The following LDB3 variants were observed in gnomAD, a reference collection of about 807,000 sequenced individuals.
The protein encoded by LDB3 is LIM domain binding 3, also known as LIM domain-binding protein 3.
A neutral mutation model predicts 69.0 loss-of-function variants in LDB3; 49 were observed. The observed-to-expected ratio is 0.71, with a 90% CI of 0.56 to 0.90. The LOEUF (loss-of-function observed/expected upper bound fraction) is 0.90, where lower values mean the gene tolerates loss of function less well. LDB3 is among the 40% of genes least tolerant of loss of function. LDB3 has a pLI of 0.00. For synonymous variants in LDB3, 387 were observed against 396.2 expected, an observed-to-expected ratio of 0.98 and a Z score of 0.28; for missense variants, 928 against 974.1, an observed-to-expected ratio of 0.95 and a Z score of 0.63.
intron 12 of LDB3, 126 bp downstream of exon 12, chr10:86,718,973 A>G (rs1846978973): frequency 7.9e-7 from 1 of 1,269,056 alleles, no homozygotes; most frequent in Admixed American, 2.6e-5. Context: ...TCTGGAAGAA[A>G]CCTTTGTTTT....
intron 10 of LDB3, among the ~76,000 whole-genome samples, chr10:86,717,059 G>T (rs1485292553): frequency 6.6e-6 from 1 of 152,232 alleles, no homozygotes; most frequent in Non-Finnish European, 1.5e-5. Flanking sequence ...TAAGGTTGAG[G>T]TCTGGGAATC....
intron 9 of LDB3, among the ~76,000 whole-genome samples, chr10:86,714,836 C>T (rs565792511): frequency 7.2e-5 from 11 of 152,334 alleles, no homozygotes; most frequent in South Asian, 2.1e-4. Context: ...GGATTACAGG[C>T]GTGAGCCACC....
intron 12 of LDB3, 148 bp from the exon 13 acceptor site, chr10:86,725,989 C>G (rs1281869423): frequency 1.5e-6 from 1 of 675,736 alleles, no homozygotes; most frequent in African/African-American, 1.8e-5. Flanking sequence ...AACTATCAGT[C>G]ATGTAACTGA....
At chr10:86,718,572 C>A (rs942908343) in intron 11 of LDB3, among the ~76,000 whole-genome samples, 155 bp from the exon 12 acceptor site, 7 of 152,196 alleles carry the variant, frequency 4.6e-5, no homozygotes, top group East Asian at 1.9e-4. Flanking sequence ...TTCTCTGACA[C>A]CCCTGGGTCT....
intron 11 of LDB3, among the ~76,000 whole-genome samples, 198 bp from the exon 12 acceptor site, chr10:86,718,529 G>C (rs1051231120): frequency 6.6e-6 from 1 of 152,188 alleles, no homozygotes; most frequent in African/African-American, 2.4e-5. Flanking sequence ...AGAAAGCACA[G>C]AACCTGGCAC....
rs76602876 is a variant in LDB3, at chr10:86,728,008, G to A, written c.2094+1756G>A. ...AGCTCTTTGAACAGATTCTCTAGTT[G>A]TCTTTTAGGGTGTTTTAAATACATC... On this transcript the variant is annotated intron_variant, in intron 13 of 13. Coordinates refer to ENST00000361373, the MANE Select transcript of LDB3 (RefSeq NM_007078.3). Among the ~76,000 whole-genome samples, 659 of 152,182 alleles carry A rather than the reference G, an allele frequency of 4.3e-3. 5 individuals are homozygous for A. Among genetic ancestry groups the A allele is most frequent in the African/African-American group, 0.015 (633 of 41,490 alleles).
chr10:86,725,812 T>G (rs1219936132), intron 12 of LDB3, among the ~76,000 whole-genome samples: 1 of 152,204 alleles, frequency 6.6e-6, no homozygotes, highest in Non-Finnish European at 1.5e-5. Flanking sequence ...TTGTTTTCTC[T>G]TTGGGGCTTG....
chr10:86,685,772 T>C (rs1476993385), intron 5 of LDB3: 1 of 1,548,274 alleles, frequency 6.5e-7, no homozygotes, highest in Admixed American at 1.7e-5. Context: ...GTGTCTGGCG[T>C]GGATAGAGTG....
intron 2 of LDB3, among the ~76,000 whole-genome samples, chr10:86,674,431 T>C (rs1844658678): frequency 6.6e-6 from 1 of 152,048 alleles, no homozygotes; most frequent in African/African-American, 2.4e-5. Flanking sequence ...TGGGCTGCCC[T>C]TGGAAGTGCC....
intron 9 of LDB3, among the ~76,000 whole-genome samples, chr10:86,710,542 C>T (rs1394437736): frequency 2.0e-5 from 3 of 152,236 alleles, no homozygotes; most frequent in Non-Finnish European, 4.4e-5. Flanking sequence ...GAGACTGCAC[C>T]ATTGCACTCC....
At position 86,734,437 on chromosome 10, in the gene LDB3, A is replaced by G. The variant is rs1243660709; in HGVS notation, c.*1461A>G. The G allele has an allele frequency of 6.6e-6, 1 of 152,232 alleles. No homozygotes were observed. The highest frequency in any genetic ancestry group is 1.5e-5 in the Non-Finnish European group (1 of 68,036). The allele number at this position is 152,232 out of a possible 1,614,324, so 9.4% of individuals were successfully genotyped here. On this transcript the variant is annotated 3_prime_UTR_variant, in exon 14 of 14. Coordinates refer to ENST00000361373, the MANE Select transcript of LDB3 (RefSeq NM_007078.3). ...ATGCTCATTGAAAACATGGCATTGA[A>G]GCAGGCACTTGCGTGGATGTTTCTC...
chr10:86,681,395 C>G, intron 4 of LDB3, 41 bp from the exon 5 acceptor site: 1 of 1,597,946 alleles, frequency 6.3e-7, no homozygotes, highest in Non-Finnish European at 8.5e-7. Context: ...GGCCTCTAAC[C>G]GCTCTCTTCT....
rs1275820786 is a variant in LDB3, at chr10:86,735,102, AT to A, written c.*2127del. The A allele has an allele frequency of 7.2e-6, 1 of 139,640 alleles. No individual in the cohort carries two copies. Among genetic ancestry groups the A allele is most frequent in the Non-Finnish European group, 1.6e-5 (1 of 63,952 alleles). The allele number at this position is 139,640 out of a possible 1,614,324, so 8.7% of individuals were successfully genotyped here. On this transcript the variant is annotated 3_prime_UTR_variant, in exon 14 of 14. Transcript: ENST00000361373. The stretch of plus-strand genomic sequence containing the variant: ...ACACACACACACACACACACACACG[AT>A]CATTAAAAAGTGTATGCTCTTTAAG...
intron 13 of LDB3, among the ~76,000 whole-genome samples, chr10:86,729,142 C>T (rs1847371497): frequency 6.6e-6 from 1 of 152,154 alleles, no homozygotes; most frequent in Non-Finnish European, 1.5e-5. Flanking sequence ...ATATTCCTGG[C>T]ATTTGGGCAG....
intron 9 of LDB3, among the ~76,000 whole-genome samples, chr10:86,711,120 G>T (rs2132468808): frequency 6.6e-6 from 1 of 152,354 alleles, no homozygotes; most frequent in East Asian, 1.9e-4. Context: ...ACACAGGGAG[G>T]GGAGGCTGGA....
rs1846162084 is a variant in LDB3 at position 86,699,457 on chromosome 10, C to T, written c.896+6886C>T. On this transcript the variant is annotated intron_variant, in intron 7 of 13. Coordinates refer to ENST00000361373, the MANE Select transcript of LDB3 (RefSeq NM_007078.3). The surrounding 1 kb of genome is among the most constrained non-coding windows in gnomAD (Gnocchi z 4.9). Reference sequence around the variant, plus strand: ...ACACAGATCTGGCATGTGAGCCCCACGGTGATGCTTGACAATGTATAACTC... The same window carrying T: ...ACACAGATCTGGCATGTGAGCCCCATGGTGATGCTTGACAATGTATAACTC... 5.6e-6 allele frequency: 9 copies of T among 1,604,316 alleles called. No homozygotes were observed. Among genetic ancestry groups the T allele is most frequent in the African/African-American group, 1.3e-5 (1 of 74,716 alleles).
intron 7 of LDB3, among the ~76,000 whole-genome samples, chr10:86,696,213 C>G (rs139553145): frequency 3.3e-5 from 5 of 152,212 alleles, no homozygotes; most frequent in African/African-American, 1.2e-4. Context: ...TCAGTTTTGC[C>G]CCCCCTGCAG....
intron 6 of LDB3, 30 bp downstream of exon 6, chr10:86,692,095 A>G (rs774807295): frequency 8.7e-6 from 14 of 1,612,730 alleles, no homozygotes; most frequent in African/African-American, 1.3e-5. Flanking sequence ...GTGGCTGCAG[A>G]GGAGGGAGAT....
chr10:86,691,814 A>G lies in LDB3; in HGVS notation c.690-82A>G. On this transcript the variant is annotated intron_variant, in intron 5 of 13. Transcript: ENST00000361373. ...TGGGGACAGAACGATAGGGGCCACC[A>G]ATGGGCATGGAGCAGGGACCCAGCA... 10 of 1,495,104 alleles carry G rather than the reference A, an allele frequency of 6.7e-6. 1 individual carries two copies. In the South Asian group the frequency reaches 1.1e-4, roughly 17 times the overall value. 92.6% of individuals were successfully genotyped at this position (1,495,104 alleles called of 1,614,324 possible).
Sources: gnomAD v4.1 joint callset for allele counts (sites outside exome capture counted in the v4.1 genomes callset) on GRCh38, gnomAD v4.1.1 for gene constraint, Gnocchi (gnomAD v3.1) non-coding constraint, MANE v1.5 for transcripts, NCBI Gene and HGNC (gene_info 2026-07-23, HGNC 2026-07-21) for gene names.